The following KDM2B variants were observed in gnomAD, a reference collection of about 807,000 sequenced individuals.
KDM2B encodes lysine-specific demethylase 2B.
In KDM2B, 26 loss-of-function variants were observed where a neutral mutation model predicts 150.0. That is an observed-to-expected ratio of 0.17 (90% CI 0.13 to 0.24). The LOEUF (loss-of-function observed/expected upper bound fraction) is 0.24. KDM2B is among the 10% of genes least tolerant of loss of function. The pLI is 1.00. For synonymous variants in KDM2B, 734 were observed against 729.5 expected, an observed-to-expected ratio of 1.01 and a Z score of -0.10; for missense variants, 1,265 against 1,816.9, an observed-to-expected ratio of 0.70 and a Z score of 5.52.
chr12:121,580,531 G>T, intron 1 of KDM2B: 4 of 1,244,628 alleles, frequency 3.2e-6, no homozygotes, highest in Non-Finnish European at 4.1e-6. Context: ...CTTTTGGAGG[G>T]CCGAGTTGCA....
the KDM2B span, among the ~76,000 whole-genome samples, chr12:121,411,548 ATC>A: frequency 4.9e-4 from 74 of 152,322 alleles, no homozygotes; most frequent in African/African-American, 1.8e-3. Flanking sequence ...AAAGGTCATA[ATC>A]TCTGACAGTG....
intron 11 of KDM2B, among the ~76,000 whole-genome samples, chr12:121,496,934 T>C (rs888573199): frequency 2.0e-5 from 3 of 150,098 alleles, no homozygotes; most frequent in Admixed American, 6.6e-5. Flanking sequence ...GGTGTGAGCC[T>C]CCCAAAGTTC....
intron 12 of KDM2B, among the ~76,000 whole-genome samples, chr12:121,474,244 T>A (rs1350189718): frequency 2.0e-5 from 3 of 152,208 alleles, no homozygotes; most frequent in Non-Finnish European, 2.9e-5. Context: ...CCGGGCACGG[T>A]GGCTCACACC....
At chr12:121,454,529 G>A (rs1877912316) in intron 12 of KDM2B, among the ~76,000 whole-genome samples, 1 of 152,184 alleles carries the variant, frequency 6.6e-6, no homozygotes, top group Non-Finnish European at 1.5e-5. Flanking sequence ...AGCTGCTGAG[G>A]ACACTGTCCA....
the KDM2B span, chr12:121,418,079 T>G: frequency 1.4e-6 from 1 of 732,892 alleles, no homozygotes; most frequent in Non-Finnish European, 2.2e-6. Context: ...TGATGTATAG[T>G]GTCTGCTGAG....
rs536405714 is a variant in KDM2B, at chr12:121,444,465, G to T, written c.2175C>A (p.Ala725=). 4 of 1,614,084 alleles carry T rather than the reference G, an allele frequency of 2.5e-6. No individual in the cohort carries two copies. Among genetic ancestry groups the T allele is most frequent in the East Asian group, 4.5e-5 (2 of 44,872 alleles). Residue 725 remains alanine, a synonymous_variant, in exon 15 of 23, where the codon GCC becomes GCA. Coordinates refer to ENST00000377071, the MANE Select transcript of KDM2B (RefSeq NM_032590.5). ...NCWECPKCNH[A]GKTGKQKRGP... ...CGGCACTCACTTTCCCGGTCTTGCC[G>T]GCGTGGTTACACTTCGGACACTCCC... is the stretch of plus-strand genomic sequence containing the variant.
rs1391383630 is a variant in KDM2B at position 121,467,255 on chromosome 12, G to A, written c.1735-13911C>T. The A allele has an allele frequency of 3.0e-6, 3 of 992,446 alleles. No homozygotes were observed. The highest frequency in any genetic ancestry group is 3.6e-6 in the Non-Finnish European group (3 of 834,282). 61.5% of individuals were successfully genotyped at this position (992,446 alleles called of 1,614,324 possible). A position where few individuals can be genotyped will look rare whatever the true frequency, so the allele number is the denominator to read the frequency against. ...GCTCGCGCGCGCTGACATGGCTGGA[G>A]CGGCGCCGCCGCCGCCGCCCGCCCG... On this transcript the variant is annotated intron_variant, in intron 12 of 22. Coordinates refer to ENST00000377071, the MANE Select transcript of KDM2B (RefSeq NM_032590.5). The surrounding 1 kb of genome is among the most constrained non-coding windows in gnomAD (Gnocchi z 5.1).
intron 21 of KDM2B, chr12:121,440,299 C>T (rs1874756825): frequency 5.3e-6 from 3 of 571,342 alleles, no homozygotes; most frequent in South Asian, 2.0e-5. Context: ...CCTAGAAACA[C>T]TATGCCCACA....
At chr12:121,538,008 G>A (rs1423129568) in intron 6 of KDM2B, among the ~76,000 whole-genome samples, 3 of 142,960 alleles carry the variant, frequency 2.1e-5, no homozygotes, top group Non-Finnish European at 4.6e-5. Flanking sequence ...CCCCACTCCC[G>A]GCGGCAACGC....
intron 21 of KDM2B, chr12:121,440,539 T>G: frequency 2.3e-6 from 1 of 433,572 alleles, no homozygotes; most frequent in Non-Finnish European, 4.1e-6. Flanking sequence ...CATGAGCGAG[T>G]CAATAAGAAA....
At chr12:121,579,943 C>CA (rs61355823) in intron 1 of KDM2B, 104,982 of 1,096,914 alleles carry the variant, frequency 0.096, 220 homozygotes, top group Non-Finnish European at 0.1. Flanking sequence ...GAGAAACAAC[C>CA]AAAAAAAAAA....
intron 12 of KDM2B, among the ~76,000 whole-genome samples, chr12:121,455,427 G>A (rs1358834483): frequency 6.6e-6 from 1 of 152,246 alleles, no homozygotes; most frequent in Non-Finnish European, 1.5e-5. Flanking sequence ...AAGCAGCAAA[G>A]GGCGCCAGGA....
rs149336898 is a variant in KDM2B at position 121,491,304 on chromosome 12, G to C, written c.1734+3275C>G. The stretch of plus-strand genomic sequence containing the variant: ...GGGCGATAACACCCTCCATCTCCCA[G>C]CCTCATGGGAAGGGTAAAGTCAAAT... On this transcript the variant is annotated intron_variant, in intron 12 of 22. Coordinates refer to ENST00000377071, the MANE Select transcript of KDM2B (RefSeq NM_032590.5). Among the ~76,000 whole-genome samples the C allele has an allele frequency of 8.5e-3, 1,290 of 152,174 alleles. 13 individuals are homozygous for C. Among genetic ancestry groups the C allele is most frequent in the African/African-American group, 0.03 (1,242 of 41,506 alleles).
In KDM2B at chr12:121,546,378, C is replaced by CTTT. The variant is rs1566402100; in HGVS notation, c.683+2498_683+2499insAAA. The stretch of plus-strand genomic sequence containing the variant: ...CCATCTCCTCTGTCTTTTTTTTTTG[C>CTTT]CTTTTTTTTTTTTTTTTTTTTTGAG... On this transcript the variant is annotated intron_variant, in intron 6 of 22. Transcript: ENST00000377071. 1.3e-3 allele frequency among the ~76,000 whole-genome samples: 118 copies of CTTT among 92,446 alleles called. 2 individuals carry two copies. The highest frequency in any genetic ancestry group is 7.0e-3 in the African/African-American group (114 of 16,364). The allele number at this position is 92,446 out of a possible 152,430, so 60.6% of individuals were successfully genotyped here. A position where few individuals can be genotyped will look rare whatever the true frequency, so the allele number is the denominator to read the frequency against.
chr12:121,552,238 T>C (rs1889557456), intron 4 of KDM2B, among the ~76,000 whole-genome samples: 1 of 152,230 alleles, frequency 6.6e-6, no homozygotes, highest in South Asian at 2.1e-4. Context: ...AGCTGAGACT[T>C]GGACAACTAA....
At chr12:121,558,746 C>T (rs552462478) in intron 4 of KDM2B, among the ~76,000 whole-genome samples, 20 of 151,974 alleles carry the variant, frequency 1.3e-4, no homozygotes, top group African/African-American at 3.1e-4. Flanking sequence ...TGAGACACTG[C>T]GCCCAGCCTA....
At chr12:121,487,858 T>C (rs1882941298) in intron 12 of KDM2B, among the ~76,000 whole-genome samples, 1 of 150,500 alleles carries the variant, frequency 6.6e-6, no homozygotes, top group African/African-American at 2.4e-5. Context: ...CTCGGCTCAC[T>C]GCAAGCTCCG....
chr12:121,544,797 C>A (rs1888891007), intron 6 of KDM2B, among the ~76,000 whole-genome samples: 1 of 151,752 alleles, frequency 6.6e-6, no homozygotes, highest in Non-Finnish European at 1.5e-5. Flanking sequence ...CCTGTAATCC[C>A]AGCTACTTGG....
At chr12:121,482,973 C>A (rs1882318703) in intron 12 of KDM2B, among the ~76,000 whole-genome samples, 1 of 151,786 alleles carries the variant, frequency 6.6e-6, no homozygotes, top group Admixed American at 6.6e-5. Flanking sequence ...CAAGACCAGT[C>A]TGGCCATGGT....
Sources: allele counts gnomAD v4.1 joint callset (sites outside exome capture counted in the v4.1 genomes callset), GRCh38; gene constraint gnomAD v4.1.1; non-coding constraint Gnocchi (gnomAD v3.1); transcripts MANE v1.5; gene names NCBI Gene and HGNC (gene_info 2026-07-23, HGNC 2026-07-21).